The following PHACTR1 variants were observed in gnomAD, a reference collection of about 807,000 sequenced individuals.
The protein encoded by PHACTR1 is RPEL repeat containing 1.
In PHACTR1, 16 loss-of-function variants were observed where a neutral mutation model predicts 69.2. The ratio of observed to expected loss-of-function variants is 0.23; its 90% CI spans 0.16 to 0.35. PHACTR1 has a LOEUF of 0.35. Ranked by LOEUF, PHACTR1 falls within the 10% of genes least tolerant of loss-of-function variation. The probability of loss-of-function intolerance (pLI) is 1.00; values close to 1 mark genes in which losing one functional copy is unlikely to be tolerated. For missense variants in PHACTR1, 510 were observed against 734.7 expected (o/e 0.69, Z 3.54); for synonymous variants, 312 against 284.5 (o/e 1.10, Z -0.97).
rs79742274 is a variant in PHACTR1, at chr6:12,900,981, G to A, written c.250+151191G>A. 7.7e-3 allele frequency among the ~76,000 whole-genome samples: 1,173 copies of A among 152,216 alleles called. 18 individuals are homozygous for A. The highest frequency in any genetic ancestry group is 0.026 in the African/African-American group (1,094 of 41,524). ...CAGTTGAGAAAGCATGTTGATAAAG[G>A]GACAATCTGTAGGCGGCCCTGCTCT... On this transcript the variant is annotated intron_variant, in intron 4 of 14. Transcript: ENST00000332995.
chr6:13,175,556 C>T (rs1359450434), intron 6 of PHACTR1, among the ~76,000 whole-genome samples: 1 of 152,186 alleles, frequency 6.6e-6, no homozygotes, highest in Non-Finnish European at 1.5e-5. Flanking sequence ...AGGCGCTCAC[C>T]AGCACACCTC....
chr6:12,801,287 G>A (rs1018836810), intron 4 of PHACTR1, among the ~76,000 whole-genome samples: 3 of 152,184 alleles, frequency 2.0e-5, no homozygotes, highest in South Asian at 2.1e-4. Context: ...CTCATTGTGC[G>A]TGTTAAGTTA....
chr6:13,166,928 A>C (rs1343485637), intron 6 of PHACTR1, among the ~76,000 whole-genome samples: 1 of 152,210 alleles, frequency 6.6e-6, no homozygotes, highest in Non-Finnish European at 1.5e-5. Flanking sequence ...ATGCAGCTCA[A>C]ACCTGTGTCA....
chr6:13,269,360 C>A (rs1260005989), intron 10 of PHACTR1, among the ~76,000 whole-genome samples: 3 of 152,274 alleles, frequency 2.0e-5, no homozygotes, highest in Admixed American at 1.3e-4. Context: ...CCTCTGACAC[C>A]GGCTCACTCA....
chr6:12,818,743 C>T (rs765459504), intron 4 of PHACTR1, among the ~76,000 whole-genome samples: 60 of 152,200 alleles, frequency 3.9e-4, no homozygotes, highest in Admixed American at 7.2e-4. Context: ...AATACAGAGT[C>T]ATCATCTGCA....
chr6:13,193,349 C>A, intron 7 of PHACTR1, among the ~76,000 whole-genome samples: 1 of 38,908 alleles, frequency 2.6e-5, no homozygotes. Context: ...CTCTTAATAG[C>A]TCTCTGTGTA....
At chr6:12,917,521 G>A (rs1356312240) in intron 4 of PHACTR1, among the ~76,000 whole-genome samples, 1 of 152,150 alleles carries the variant, frequency 6.6e-6, no homozygotes, top group East Asian at 1.9e-4. Context: ...GGGAGTCTGA[G>A]GTGGGAGGAT....
rs1773580872 is a variant in PHACTR1 at position 13,246,343 on chromosome 6, TCTTC to T, written c.1391+16154_1391+16157del. Reference sequence around the variant, plus strand: ...ATACATTCTTTCACGGCCACCATGATCTTCCTTGATCCCACTTAGCCAAAAGAAC... The same window carrying T: ...ATACATTCTTTCACGGCCACCATGATCTTGATCCCACTTAGCCAAAAGAAC... On this transcript the variant is annotated intron_variant, in intron 10 of 14. Coordinates refer to ENST00000332995, the MANE Select transcript of PHACTR1 (RefSeq NM_030948.6). This position sits in a 1 kb window ranked among gnomAD's most constrained non-coding sequence, Gnocchi z 4.2. Among the ~76,000 whole-genome samples, 1 of 152,104 alleles carries T rather than the reference TCTTC, an allele frequency of 6.6e-6. No individual in the cohort carries two copies. Among genetic ancestry groups the T allele is most frequent in the African/African-American group, 2.4e-5 (1 of 41,436 alleles).
At chr6:12,821,048 G>T (rs1776147110) in intron 4 of PHACTR1, among the ~76,000 whole-genome samples, 1 of 152,134 alleles carries the variant, frequency 6.6e-6, no homozygotes, top group Admixed American at 6.5e-5. Context: ...TTTTCAGGAA[G>T]GACCTTTAGT....
intron 4 of PHACTR1, among the ~76,000 whole-genome samples, chr6:12,848,166 C>A (rs1419294695): frequency 2.0e-5 from 3 of 152,074 alleles, no homozygotes; most frequent in African/African-American, 7.2e-5. Flanking sequence ...ATCAATAGCA[C>A]GTATTGGTTA....
At chr6:13,083,429 C>A (rs1207351891) in intron 5 of PHACTR1, among the ~76,000 whole-genome samples, 1 of 152,084 alleles carries the variant, frequency 6.6e-6, no homozygotes, top group Non-Finnish European at 1.5e-5. Flanking sequence ...GCAATGCGGG[C>A]TCTTTTTTGG....
intron 4 of PHACTR1, among the ~76,000 whole-genome samples, chr6:12,971,033 A>G (rs1794139727): frequency 6.6e-6 from 1 of 152,232 alleles, no homozygotes; most frequent in Non-Finnish European, 1.5e-5. Flanking sequence ...ATGATCATTA[A>G]TAGAATAGAC....
chr6:13,263,356 A>G (rs2127424792), intron 10 of PHACTR1, among the ~76,000 whole-genome samples: 1 of 148,346 alleles, frequency 6.7e-6, no homozygotes, highest in Non-Finnish European at 1.5e-5. Flanking sequence ...AAAAAAAAAA[A>G]GGCAAGATCC....
intron 4 of PHACTR1, among the ~76,000 whole-genome samples, chr6:12,893,886 C>T (rs1271048003): frequency 1.3e-5 from 2 of 152,134 alleles, no homozygotes; most frequent in Non-Finnish European, 2.9e-5. Flanking sequence ...ATTCTGGAAC[C>T]CCTCTATGTA....
At chr6:13,094,901 C>T (rs1027732627) in intron 5 of PHACTR1, among the ~76,000 whole-genome samples, 21 of 152,136 alleles carry the variant, frequency 1.4e-4, no homozygotes, top group African/African-American at 4.3e-4. Context: ...TACGTGGAAG[C>T]CCTTACTACC....
At chr6:13,086,589 G>A (rs1812354115) in intron 5 of PHACTR1, among the ~76,000 whole-genome samples, 1 of 152,064 alleles carries the variant, frequency 6.6e-6, no homozygotes. Flanking sequence ...GAATTATGTA[G>A]CACGTAGCAT....
intron 10 of PHACTR1, among the ~76,000 whole-genome samples, chr6:13,232,207 C>T (rs1771327376): frequency 6.6e-6 from 1 of 152,192 alleles, no homozygotes; most frequent in Non-Finnish European, 1.5e-5. Context: ...TTGCATTGTA[C>T]AAGTGAGAAA....
intron 4 of PHACTR1, among the ~76,000 whole-genome samples, chr6:12,774,841 C>T (rs533280192): frequency 1.0e-3 from 155 of 152,284 alleles, no homozygotes; most frequent in African/African-American, 3.5e-3. Context: ...GCAAGAGGTG[C>T]GGGCCTTGGT....
rs186369525 is a variant in PHACTR1 at position 12,941,020 on chromosome 6, A to C, written c.251-112345A>C. On this transcript the variant is annotated intron_variant, in intron 4 of 14. Coordinates refer to ENST00000332995, the MANE Select transcript of PHACTR1 (RefSeq NM_030948.6). The stretch of plus-strand genomic sequence containing the variant: ...CTTGGCCTTAAAGAGGTGCTTGCAG[A>C]GTAAGCATATGATTTTCACTTGGCC... Among the ~76,000 whole-genome samples the C allele has an allele frequency of 1.3e-3, 193 of 152,334 alleles. 1 individual carries two copies. Among genetic ancestry groups the C allele is most frequent in the Non-Finnish European group, 1.9e-3 (131 of 68,032 alleles).
Sources: gnomAD v4.1 joint callset for allele counts (sites outside exome capture counted in the v4.1 genomes callset) on GRCh38, gnomAD v4.1.1 for gene constraint, Gnocchi (gnomAD v3.1) non-coding constraint, MANE v1.5 for transcripts, NCBI Gene and HGNC (gene_info 2026-07-23, HGNC 2026-07-21) for gene names.